NCAM2: variants seen among roughly 807,000 people sequenced by gnomAD.
NCAM2 encodes the protein neural cell adhesion molecule 2.
In NCAM2, 30 loss-of-function variants were observed where a neutral mutation model predicts 98.1. The ratio of observed to expected loss-of-function variants is 0.31; its 90% confidence interval spans 0.23 to 0.41. NCAM2 has a LOEUF of 0.41. Ranked by LOEUF, NCAM2 falls within the 10% of genes least tolerant of loss-of-function variation. NCAM2 has a pLI of 1.00. For missense variants in NCAM2, 867 were observed against 1,005.8 expected, an observed-to-expected ratio of 0.86 and a Z score of 1.87; for synonymous variants, 368 against 342.4, an observed-to-expected ratio of 1.07 and a Z score of -0.83.
At chr21:21,124,884 C>A (rs1038297988) in intron 1 of NCAM2, among the ~76,000 whole-genome samples, 1 of 152,002 alleles carries the variant, frequency 6.6e-6, no homozygotes, top group Non-Finnish European at 1.5e-5. Context: ...TATGCTGGAG[C>A]CTGATTGTAT....
chr21:21,137,110 G>T (rs1013598483), intron 1 of NCAM2, among the ~76,000 whole-genome samples: 11 of 152,224 alleles, frequency 7.2e-5, no homozygotes, highest in African/African-American at 2.6e-4. Context: ...CTCCCAAAGT[G>T]CTGGGATTAC....
chr21:21,198,679 G>T (rs538433134), intron 1 of NCAM2, among the ~76,000 whole-genome samples: 2 of 152,242 alleles, frequency 1.3e-5, no homozygotes, highest in African/African-American at 4.8e-5. Context: ...AGAAAAAACA[G>T]ACATCGTGTG....
At chr21:21,173,803 C>G (rs914470853) in intron 1 of NCAM2, among the ~76,000 whole-genome samples, 2 of 152,066 alleles carry the variant, frequency 1.3e-5, no homozygotes, top group African/African-American at 2.4e-5. Context: ...ATCAATGAGA[C>G]CTTTGATGAA....
chr21:21,327,284 G>A (rs1333737470), intron 6 of NCAM2, among the ~76,000 whole-genome samples: 1 of 119,882 alleles, frequency 8.3e-6, no homozygotes, highest in African/African-American at 3.4e-5. Flanking sequence ...CTCCAGCCAG[G>A]CAACAGAGCA....
At chr21:21,306,489 C>T (rs1182106399) in intron 5 of NCAM2, among the ~76,000 whole-genome samples, 2 of 151,964 alleles carry the variant, frequency 1.3e-5, no homozygotes, top group Non-Finnish European at 2.9e-5. Context: ...ATATAGCTAC[C>T]CCAGCATTTT....
intron 1 of NCAM2, among the ~76,000 whole-genome samples, chr21:21,027,144 C>T (rs9305991): frequency 0.53 from 80,595 of 152,020 alleles, 21,792 homozygotes; most frequent in East Asian, 0.74. Context: ...AGGCGTGAGC[C>T]GCCGTGCCCG....
chr21:21,379,984 C>T (rs2076116785), intron 9 of NCAM2, among the ~76,000 whole-genome samples: 1 of 152,086 alleles, frequency 6.6e-6, no homozygotes, highest in Admixed American at 6.6e-5. Context: ...AAGATGTAGG[C>T]TGGGCGGCTA....
intron 1 of NCAM2, among the ~76,000 whole-genome samples, chr21:21,025,199 C>T (rs8127981): frequency 0.012 from 1,839 of 152,032 alleles, 33 homozygotes; most frequent in African/African-American, 0.042. Flanking sequence ...CATTCTCCTG[C>T]GTCAGCCTCT....
At chr21:21,349,470 A>T (rs1356171281) in intron 8 of NCAM2, among the ~76,000 whole-genome samples, 2 of 152,134 alleles carry the variant, frequency 1.3e-5, no homozygotes, top group Non-Finnish European at 2.9e-5. Context: ...ACCTTTGTAC[A>T]CTCTGAGTGG....
intron 1 of NCAM2, among the ~76,000 whole-genome samples, chr21:21,243,351 T>C (rs772834686): frequency 5.3e-5 from 8 of 152,188 alleles, no homozygotes; most frequent in Non-Finnish European, 8.8e-5. Flanking sequence ...TACTATTACA[T>C]TTTTTGTAGG....
At chr21:21,265,100 T>C (rs2072150792) in intron 1 of NCAM2, among the ~76,000 whole-genome samples, 1 of 48,688 alleles carries the variant, frequency 2.1e-5, no homozygotes, top group African/African-American at 7.0e-5. Context: ...TATATATACA[T>C]ATATAATATA....
At chr21:21,085,821 T>TA (rs1484364982) in intron 1 of NCAM2, among the ~76,000 whole-genome samples, 1 of 152,194 alleles carries the variant, frequency 6.6e-6, no homozygotes, top group East Asian at 1.9e-4. Flanking sequence ...GCCTACTATT[T>TA]AAAAAATTTT....
At chr21:21,353,114 T>C (rs1174959126) in intron 8 of NCAM2, among the ~76,000 whole-genome samples, 1 of 152,150 alleles carries the variant, frequency 6.6e-6, no homozygotes, top group African/African-American at 2.4e-5. Flanking sequence ...AGTTATCCTG[T>C]CTTCATTCCA....
At chr21:21,219,425 C>T (rs1181230444) in intron 1 of NCAM2, among the ~76,000 whole-genome samples, 3 of 152,108 alleles carry the variant, frequency 2.0e-5, no homozygotes, top group African/African-American at 7.2e-5. Context: ...CCATGGACTG[C>T]GTATATGATG....
intron 1 of NCAM2, among the ~76,000 whole-genome samples, chr21:21,232,302 A>C (rs182587695): frequency 1.3e-5 from 2 of 151,800 alleles, no homozygotes; most frequent in Admixed American, 6.6e-5. Context: ...ATACACATTC[A>C]TATATAAATT....
intron 1 of NCAM2, among the ~76,000 whole-genome samples, chr21:21,201,369 G>C (rs549607221): frequency 6.6e-6 from 1 of 152,306 alleles, no homozygotes; most frequent in South Asian, 2.1e-4. Context: ...TGACACAGGT[G>C]CCACGGCCTG....
At chr21:21,238,964 G>A (rs1003555399) in intron 1 of NCAM2, among the ~76,000 whole-genome samples, 3 of 152,026 alleles carry the variant, frequency 2.0e-5, no homozygotes, top group African/African-American at 7.2e-5. Flanking sequence ...GTAACCTCTA[G>A]ATACAATTGG....
At chr21:21,290,038 C>T (rs150568443) in intron 4 of NCAM2, 3 of 151,894 alleles carry the variant, frequency 2.0e-5, no homozygotes, top group African/African-American at 7.2e-5. Flanking sequence ...AAGAATGACT[C>T]GTGGAATTTG....
At chr21:21,153,090 T>C (rs1305592181) in intron 1 of NCAM2, among the ~76,000 whole-genome samples, 1 of 151,948 alleles carries the variant, frequency 6.6e-6, no homozygotes, top group African/African-American at 2.4e-5. Context: ...ATTTATTTTT[T>C]ATTTCTGTTT....
Sources: gnomAD v4.1 joint callset for allele counts (sites outside exome capture counted in the v4.1 genomes callset) on GRCh38, gnomAD v4.1.1 for gene constraint, MANE v1.5 for transcripts, NCBI Gene and HGNC (gene_info 2026-07-23, HGNC 2026-07-21) for gene names.